PXDNL: variants seen among roughly 807,000 people sequenced by gnomAD.
PXDNL encodes probable oxidoreductase PXDNL.
PXDNL carries 145 observed loss-of-function variants against 150.8 expected under a neutral mutation model. The ratio of observed to expected loss-of-function variants is 0.96; its 90% CI spans 0.84 to 1.10. The LOEUF (loss-of-function observed/expected upper bound fraction) is 1.10. PXDNL is among the 50% of genes least tolerant of loss of function. The pLI is 0.00. For synonymous variants in PXDNL, 757 were observed against 725.7 expected (o/e 1.04, Z -0.69); for missense variants, 2,087 against 1,873.9 (o/e 1.11, Z -2.10).
At chr8:51,599,833 GATA>G (rs1261138751) in intron 2 of PXDNL, among the ~76,000 whole-genome samples, 1 of 136,354 alleles carries the variant, frequency 7.3e-6, no homozygotes, top group Non-Finnish European at 1.5e-5. Context: ...ACATCGTTTA[GATA>G]ATAAATTATA....
intron 2 of PXDNL, among the ~76,000 whole-genome samples, chr8:51,602,349 T>A (rs1027741265): frequency 3.3e-5 from 5 of 152,078 alleles, no homozygotes; most frequent in Non-Finnish European, 7.4e-5. Flanking sequence ...CATAATCCCA[T>A]ATTTCTTAAA....
At position 51,544,958 on chromosome 8, in the gene PXDNL, T is replaced by C. The variant is rs574350745; in HGVS notation, c.380+11882A>G. ...AAGATCTATCATTGTTTTGCCAAGA[T>C]ATACTGAAATAAAATTGAATTTCAG... On this transcript the variant is annotated intron_variant, in intron 4 of 22. Coordinates refer to ENST00000356297, the MANE Select transcript of PXDNL (RefSeq NM_144651.5). Among the ~76,000 whole-genome samples, 9 of 152,320 alleles carry C rather than the reference T, an allele frequency of 5.9e-5. No homozygotes were observed. The South Asian group carries it at 1.7e-3, about 28-fold the overall frequency.
At chr8:51,399,935 TGTAA>T (rs1186184757) in intron 17 of PXDNL, among the ~76,000 whole-genome samples, 2 of 152,246 alleles carry the variant, frequency 1.3e-5, no homozygotes, top group Non-Finnish European at 1.5e-5. Context: ...TCTTTATTTC[TGTAA>T]GTGTTAGATT....
At chr8:51,495,297 T>G (rs1811018529) in intron 5 of PXDNL, among the ~76,000 whole-genome samples, 2 of 152,056 alleles carry the variant, frequency 1.3e-5, no homozygotes, top group South Asian at 2.1e-4. Context: ...AGAGGGAAAT[T>G]TATAGCACTA....
chr8:51,408,279 G>A lies in PXDNL; in HGVS notation c.3345C>T (p.Ser1115=). The A allele has an allele frequency of 6.2e-7, 1 of 1,613,956 alleles. No homozygotes were observed. The highest frequency in any genetic ancestry group is 8.5e-7 in the Non-Finnish European group (1 of 1,179,864). ...GGGTCAGCTCAGGACTGAGAAGGTA[G>A]GAGGGTGCCCGCCATTTAGCAGCCA... ...FGVAAKWRAP[S]YLLSPELTQR... is the part of the protein sequence containing the mutation. The change falls in exon 17 of 23, where the codon TCC becomes TCT. Residue 1115 remains serine (S), a synonymous_variant. Coordinates refer to ENST00000356297, the MANE Select transcript of PXDNL (RefSeq NM_144651.5).
At chr8:51,578,600 T>C (rs1189434215) in intron 3 of PXDNL, among the ~76,000 whole-genome samples, 1 of 151,920 alleles carries the variant, frequency 6.6e-6, no homozygotes, top group Non-Finnish European at 1.5e-5. Flanking sequence ...AGCAAGACTT[T>C]TGTACATGTA....
At chr8:51,647,294 T>C (rs1814940293) in intron 2 of PXDNL, among the ~76,000 whole-genome samples, 1 of 152,086 alleles carries the variant, frequency 6.6e-6, no homozygotes, top group Non-Finnish European at 1.5e-5. Flanking sequence ...CCCCAGAAAT[T>C]TCTCTCTATT....
At position 51,483,789 on chromosome 8, in the gene PXDNL, A is replaced by C. The variant is rs1197633715; in HGVS notation, c.453-75T>G. The C allele has an allele frequency of 8.7e-5, 74 of 849,976 alleles. No individual in the cohort carries two copies. The East Asian group carries it at 1.9e-3, about 22-fold the overall frequency. 52.7% of individuals were successfully genotyped at this position (849,976 alleles called of 1,614,324 possible). A position where few individuals can be genotyped will look rare whatever the true frequency, so the allele number is the denominator to read the frequency against. On this transcript the variant is annotated intron_variant, in intron 5 of 22. Coordinates refer to ENST00000356297, the MANE Select transcript of PXDNL (RefSeq NM_144651.5). Reference sequence around the variant, plus strand: ...GACAAACAAAACCTTTCTTTCACCTAACTGTGAATCCAATACCTTTTTTGA... The same window carrying C: ...GACAAACAAAACCTTTCTTTCACCTCACTGTGAATCCAATACCTTTTTTGA...
chr8:51,420,539 A>G (rs1808920937), intron 14 of PXDNL, among the ~76,000 whole-genome samples: 1 of 152,224 alleles, frequency 6.6e-6, no homozygotes, highest in African/African-American at 2.4e-5. Context: ...TCCCAGAGAC[A>G]AAAAAGTTTT....
At chr8:51,775,071 G>A (rs1585741010) in intron 1 of PXDNL, among the ~76,000 whole-genome samples, 2 of 151,996 alleles carry the variant, frequency 1.3e-5, no homozygotes, top group African/African-American at 4.8e-5. Context: ...TAATGTAGTG[G>A]GTTTTGTTCT....
intron 17 of PXDNL, among the ~76,000 whole-genome samples, chr8:51,404,820 C>T (rs529065778): frequency 2.6e-5 from 4 of 152,342 alleles, no homozygotes; most frequent in Non-Finnish European, 4.4e-5. Flanking sequence ...CGCAGTGCGC[C>T]GGCACTCCTC....
chr8:51,650,908 C>T (rs938359960), intron 2 of PXDNL, among the ~76,000 whole-genome samples: 14 of 152,108 alleles, frequency 9.2e-5, no homozygotes, highest in Admixed American at 2.6e-4. Flanking sequence ...GCTAATATCA[C>T]GTGCTGTCCC....
At chr8:51,333,414 C>CA (rs113519841) in intron 21 of PXDNL, among the ~76,000 whole-genome samples, 67,935 of 151,962 alleles carry the variant, frequency 0.45, 18,834 homozygotes, top group African/African-American at 0.79. Context: ...ACCAATAAAA[C>CA]AAAATATAAG....
chr8:51,651,280 A>T (rs1815029591), intron 2 of PXDNL, among the ~76,000 whole-genome samples: 1 of 152,212 alleles, frequency 6.6e-6, no homozygotes, highest in Non-Finnish European at 1.5e-5. Context: ...ACACACATAG[A>T]TGAGTGTGGG....
intron 12 of PXDNL, among the ~76,000 whole-genome samples, chr8:51,445,892 C>T (rs12549098): frequency 0.16 from 24,248 of 151,914 alleles, 2,057 homozygotes; most frequent in Middle Eastern, 0.25. Flanking sequence ...CACCTTTCCA[C>T]AATTGTATTT....
chr8:51,523,254 T>C (rs1811699113), intron 4 of PXDNL, among the ~76,000 whole-genome samples: 1 of 152,116 alleles, frequency 6.6e-6, no homozygotes, highest in Non-Finnish European at 1.5e-5. Context: ...TCACTTATGA[T>C]ATAATGTTGT....
At position 51,579,524 on chromosome 8, in the gene PXDNL, C is replaced by T. The variant is rs138094977; in HGVS notation, c.308+13103G>A. Among the ~76,000 whole-genome samples the T allele has an allele frequency of 1.0e-3, 155 of 152,054 alleles. 2 individuals carry two copies. Among genetic ancestry groups the T allele is most frequent in the African/African-American group, 3.5e-3 (147 of 41,538 alleles). On this transcript the variant is annotated intron_variant, in intron 3 of 22. Coordinates refer to ENST00000356297, the MANE Select transcript of PXDNL (RefSeq NM_144651.5). Reference sequence around the variant, plus strand: ...AAAATGGTACAGCTCCTCTGGAAAACAATTTATCAGTGTCTTTAAAACCAA... The same window carrying T: ...AAAATGGTACAGCTCCTCTGGAAAATAATTTATCAGTGTCTTTAAAACCAA...
chr8:51,805,228 A>T (rs146410951), intron 1 of PXDNL, among the ~76,000 whole-genome samples: 70 of 152,122 alleles, frequency 4.6e-4, no homozygotes, highest in African/African-American at 1.6e-3. Context: ...ATTCAAAGCC[A>T]GTAAGTTATG....
intron 6 of PXDNL, among the ~76,000 whole-genome samples, chr8:51,483,085 G>T (rs1429007573): frequency 1.3e-5 from 2 of 152,236 alleles, no homozygotes; most frequent in Non-Finnish European, 1.5e-5. Flanking sequence ...ACACAGATGG[G>T]AGTGAAGAGA....
Sources: gnomAD v4.1 joint callset for allele counts (sites outside exome capture counted in the v4.1 genomes callset) on GRCh38, gnomAD v4.1.1 for gene constraint, MANE v1.5 for transcripts, NCBI Gene and HGNC (gene_info 2026-07-23, HGNC 2026-07-21) for gene names.